The following GABRB1 variants were observed in gnomAD, a reference collection of about 807,000 sequenced individuals.
GABRB1 encodes gamma-aminobutyric acid receptor subunit beta-1.
GABRB1 carries 17 observed loss-of-function variants against 51.6 expected under a neutral mutation model. That is an observed-to-expected ratio of 0.33 (90% CI 0.23 to 0.49). The LOEUF (loss-of-function observed/expected upper bound fraction) is 0.49, where lower values mean the gene tolerates loss of function less well. Among genes scored for constraint, GABRB1 ranks in the 20% least tolerant of loss-of-function variants. The pLI is 0.99. For missense variants in GABRB1, 410 were observed against 600.6 expected, an observed-to-expected ratio of 0.68 and a Z score of 3.32; for synonymous variants, 247 against 218.9, an observed-to-expected ratio of 1.13 and a Z score of -1.14.
intron 3 of GABRB1, among the ~76,000 whole-genome samples, chr4:47,077,948 ATTATATATT>A (rs59260976): frequency 0.11 from 13,819 of 120,784 alleles, 993 homozygotes; most frequent in South Asian, 0.22. Flanking sequence ...TTTTATATAT[ATTATATATT>A]TTATATATAT....
chr4:47,142,992 C>A (rs750911536), intron 3 of GABRB1, among the ~76,000 whole-genome samples: 1 of 151,798 alleles, frequency 6.6e-6, no homozygotes. Context: ...AGGATGATTT[C>A]TTTGACCATC....
chr4:47,356,701 G>T (rs374678500), intron 5 of GABRB1, among the ~76,000 whole-genome samples: 15 of 152,088 alleles, frequency 9.9e-5, no homozygotes, highest in African/African-American at 3.1e-4. Context: ...TCTAGTTTTG[G>T]TTATTTTCAA....
At chr4:47,049,169 AAC>A in intron 3 of GABRB1, among the ~76,000 whole-genome samples, 2 of 152,224 alleles carry the variant, frequency 1.3e-5, no homozygotes, top group East Asian at 3.9e-4. Context: ...TAAAGGAGGA[AAC>A]ACAATAGTTT....
chr4:47,041,480 TG>T (rs1725833492), intron 3 of GABRB1, among the ~76,000 whole-genome samples: 1 of 152,112 alleles, frequency 6.6e-6, no homozygotes, highest in Admixed American at 6.6e-5. Flanking sequence ...GAAAAGAGTA[TG>T]GATGAAAGGT....
At chr4:47,312,037 T>TTGTGTG (rs36206411) in intron 4 of GABRB1, among the ~76,000 whole-genome samples, 1 of 140,760 alleles carries the variant, frequency 7.1e-6, no homozygotes, top group Non-Finnish European at 1.6e-5. Flanking sequence ...TACCCAAGGC[T>TTGTGTG]TGTGTGTGTG....
At chr4:47,115,332 TACTA>T (rs1408301268) in intron 3 of GABRB1, among the ~76,000 whole-genome samples, 4 of 152,180 alleles carry the variant, frequency 2.6e-5, no homozygotes, top group South Asian at 2.1e-4. Flanking sequence ...AAAATTTGGT[TACTA>T]ACTTTGATAA....
chr4:47,173,915 A>G (rs145508921), intron 4 of GABRB1, among the ~76,000 whole-genome samples: 23 of 152,284 alleles, frequency 1.5e-4, no homozygotes, highest in African/African-American at 4.8e-4. Flanking sequence ...CCCTTGTTAC[A>G]TAGTCTCAAA....
At chr4:47,227,336 A>G (rs933757801) in intron 4 of GABRB1, among the ~76,000 whole-genome samples, 3 of 152,188 alleles carry the variant, frequency 2.0e-5, no homozygotes, top group Admixed American at 6.6e-5. Flanking sequence ...AATTGCTTAC[A>G]TTTATTAAAT....
At chr4:47,019,079 C>T (rs1235159160) in intron 1 of GABRB1, among the ~76,000 whole-genome samples, 1 of 152,074 alleles carries the variant, frequency 6.6e-6, no homozygotes, top group East Asian at 1.9e-4. Flanking sequence ...TTTGACACTC[C>T]AGACCTCAAA....
chr4:47,131,457 C>T (rs576770435), intron 3 of GABRB1, among the ~76,000 whole-genome samples: 6 of 152,162 alleles, frequency 3.9e-5, no homozygotes, highest in Admixed American at 2.0e-4. Context: ...CGCACCAGGC[C>T]GAGTCTTGTT....
intron 4 of GABRB1, among the ~76,000 whole-genome samples, chr4:47,275,033 T>C (rs1347784330): frequency 2.0e-5 from 3 of 152,200 alleles, no homozygotes; most frequent in African/African-American, 7.2e-5. Context: ...AGCCAAAACT[T>C]TGACAGCTTT....
chr4:47,360,171 T>C (rs1726749949), intron 5 of GABRB1, among the ~76,000 whole-genome samples: 1 of 151,988 alleles, frequency 6.6e-6, no homozygotes, highest in Non-Finnish European at 1.5e-5. Flanking sequence ...ATCCGTTTAT[T>C]ATTCTGCTGG....
chr4:47,028,127 A>T (rs1577836885), upstream of GABRB1, among the ~76,000 whole-genome samples: 1 of 151,708 alleles, frequency 6.6e-6, no homozygotes, highest in East Asian at 1.9e-4. Context: ...TGAGCTTGAA[A>T]CTTTACAATA....
At position 47,074,735 on chromosome 4, in the gene GABRB1, C is replaced by T. The variant is rs79683809; in HGVS notation, c.240+42251C>T. 5.2e-3 allele frequency among the ~76,000 whole-genome samples: 796 copies of T among 151,990 alleles called. 3 individuals are homozygous for T. The highest frequency in any genetic ancestry group is 0.018 in the African/African-American group (737 of 41,438). On this transcript the variant is annotated intron_variant, in intron 3 of 8. Coordinates refer to ENST00000295454, the MANE Select transcript of GABRB1 (RefSeq NM_000812.4). ...TGACTTTTGAGCCTTACCTAGCATG[C>T]GAATATATAGTTGTCATAAAAAGAT... is the stretch of plus-strand genomic sequence containing the variant.
intron 5 of GABRB1, among the ~76,000 whole-genome samples, chr4:47,350,218 T>TATATATATAGAGAGAG (rs750199965): frequency 2.3e-4 from 13 of 56,650 alleles, no homozygotes; most frequent in African/African-American, 8.8e-4. Context: ...TATATATATA[T>TATATATATAGAGAGAG]AGAGAGAGAG....
chr4:47,111,525 C>A (rs940655061), intron 3 of GABRB1, among the ~76,000 whole-genome samples: 3 of 151,956 alleles, frequency 2.0e-5, no homozygotes, highest in African/African-American at 4.8e-5. Context: ...GAAATCGGTG[C>A]CTAATCTGCC....
At chr4:47,025,886 T>G (rs1725076306) in intron 1 of GABRB1, among the ~76,000 whole-genome samples, 1 of 152,034 alleles carries the variant, frequency 6.6e-6, no homozygotes, top group South Asian at 2.1e-4. Context: ...CTTCCGTTTT[T>G]TTTGTAATGC....
At chr4:47,044,160 CCCAA>C (rs1725982662) in intron 3 of GABRB1, among the ~76,000 whole-genome samples, 1 of 152,016 alleles carries the variant, frequency 6.6e-6, no homozygotes, top group Non-Finnish European at 1.5e-5. Flanking sequence ...TAATTTGTAG[CCCAA>C]GATGTGAAAT....
chr4:47,140,574 G>T (rs573048525), intron 3 of GABRB1, among the ~76,000 whole-genome samples: 1 of 152,012 alleles, frequency 6.6e-6, no homozygotes, highest in East Asian at 1.9e-4. Flanking sequence ...GCAGTGACAT[G>T]CAAAACATGG....
Sources: gnomAD v4.1 joint callset for allele counts (sites outside exome capture counted in the v4.1 genomes callset) on GRCh38, gnomAD v4.1.1 for gene constraint, MANE v1.5 for transcripts, NCBI Gene and HGNC (gene_info 2026-07-23, HGNC 2026-07-21) for gene names.